Variants in TSPO observed in about 807,000 individuals in gnomAD.
TSPO encodes the protein benzodiazepine peripheral binding site.
Under a neutral mutation model 13.9 loss-of-function variants are expected in TSPO, and 14 were observed. The observed-to-expected ratio is 1.01, with a 90% confidence interval of 0.67 to 1.58. The LOEUF (loss-of-function observed/expected upper bound fraction) is 1.58, where lower values mean the gene tolerates loss of function less well. Among genes scored for constraint, TSPO ranks in the 40% most tolerant of loss-of-function variants. TSPO has a pLI of 0.00. For missense variants in TSPO, 232 were observed against 229.6 expected (o/e 1.01, Z -0.07); for synonymous variants, 114 against 105.9 (o/e 1.08, Z -0.47).
chr22:43,161,300 A>G (rs1931430401), intron 3 of TSPO, 110 bp downstream of exon 3: 1 of 1,444,856 alleles, frequency 6.9e-7, no homozygotes, highest in African/African-American at 1.4e-5. Context: ...CAGGGGAGAC[A>G]AAAGGCCATG....
At chr22:43,160,116 C>G (rs926398503) in intron 2 of TSPO, among the ~76,000 whole-genome samples, 1 of 152,142 alleles carries the variant, frequency 6.6e-6, no homozygotes, top group African/African-American at 2.4e-5. Flanking sequence ...GCCAGGTGCC[C>G]GGCTCTGATG....
chr22:43,153,598 G>A (rs62234273), intron 1 of TSPO, among the ~76,000 whole-genome samples: 1 of 38,814 alleles, frequency 2.6e-5, no homozygotes, highest in Non-Finnish European at 6.2e-5. Flanking sequence ...TGATCCACCC[G>A]CCTCGGCCTC....
Position 43,158,339 on chromosome 22 carries a change from G to A in TSPO, c.-29-871G>A, listed in dbSNP as rs375849504. On this transcript the variant is annotated intron_variant, in intron 1 of 3. Coordinates refer to ENST00000337554, the MANE Select transcript of TSPO (RefSeq NM_000714.6). ...GGCCTCCCCAGCCCTGTGCCCCCCT[G>A]GGTCCTAGCCCTCGCCCCAGCAGGC... Among the ~76,000 whole-genome samples, 15 of 152,296 alleles carry A rather than the reference G, an allele frequency of 9.8e-5. No individual in the cohort carries two copies. In the South Asian group the frequency reaches 2.7e-3, roughly 27 times the overall value.
chr22:43,159,103 GA>G, intron 1 of TSPO, 106 bp from the exon 2 acceptor site: 2 of 878,248 alleles, frequency 2.3e-6, no homozygotes, highest in Non-Finnish European at 3.3e-6. Context: ...CTGATCAGCT[GA>G]CTGGTTGATC....
intron 2 of TSPO, chr22:43,159,704 G>C: frequency 2.6e-6 from 1 of 377,362 alleles, no homozygotes; most frequent in Admixed American, 4.6e-5. Context: ...GGTTGGTCTT[G>C]GGCAGAGGCA....
chr22:43,158,381 A>C (rs1931322088), intron 1 of TSPO, among the ~76,000 whole-genome samples: 2 of 152,210 alleles, frequency 1.3e-5, no homozygotes. Flanking sequence ...GCAAGTTGGC[A>C]GAACTGAATC....
intron 3 of TSPO, among the ~76,000 whole-genome samples, chr22:43,162,278 C>T (rs143835533): frequency 0.017 from 2,605 of 152,264 alleles, 74 homozygotes; most frequent in African/African-American, 0.059. Context: ...CGTGCTACCA[C>T]GCCTGGCTAA....
At chr22:43,162,745 C>T (rs1477029122) in intron 3 of TSPO, 58 bp from the exon 4 acceptor site, 2 of 1,466,020 alleles carry the variant, frequency 1.4e-6, no homozygotes, top group Non-Finnish European at 1.8e-6. Context: ...GTGGGACAGG[C>T]ACTTGGGTGA....
chr22:43,155,723 G>A (rs1333985063), intron 1 of TSPO, among the ~76,000 whole-genome samples: 3 of 152,120 alleles, frequency 2.0e-5, no homozygotes, highest in East Asian at 1.9e-4. Flanking sequence ...GCCCAGAGAC[G>A]AGCCTTGGAT....
chr22:43,154,952 G>A (rs1201646341), intron 1 of TSPO, among the ~76,000 whole-genome samples: 1 of 152,080 alleles, frequency 6.6e-6, no homozygotes. Flanking sequence ...GAACCTTCTG[G>A]CACCGTTCAG....
rs1343602747 is a variant in TSPO, at chr22:43,163,072, C to A, written c.*81C>A. ...TGTGGTGGCCGTCACGCTTTCATGA[C>A]CACTGGGCCTGCTAGTCTGTCAGGG... On this transcript the variant is annotated 3_prime_UTR_variant, in exon 4 of 4. Transcript: ENST00000337554. 9 of 1,548,998 alleles carry A rather than the reference C, an allele frequency of 5.8e-6. No individual in the cohort carries two copies. Among genetic ancestry groups the A allele is most frequent in the Non-Finnish European group, 7.0e-6 (8 of 1,147,026 alleles).
chr22:43,155,666 A>T (rs1223799952), intron 1 of TSPO, among the ~76,000 whole-genome samples: 1 of 152,194 alleles, frequency 6.6e-6, no homozygotes, highest in Non-Finnish European at 1.5e-5. Flanking sequence ...CAGCCCCCCA[A>T]GAAGCAGACA....
In TSPO at chr22:43,161,271, C is replaced by T. The variant is rs896078930; in HGVS notation, c.321+81C>T. 55 of 1,540,458 alleles carry T rather than the reference C, an allele frequency of 3.6e-5. 1 individual carries two copies. The South Asian group carries it at 5.2e-4, about 15-fold the overall frequency. On this transcript the variant is annotated intron_variant, in intron 3 of 3. Coordinates refer to ENST00000337554, the MANE Select transcript of TSPO (RefSeq NM_000714.6). ...TGGGGCATCACATATGACACTGGGT[C>T]AGTGTCTATAGGCGGGGCCAGGGGA... is the stretch of plus-strand genomic sequence containing the variant.
chr22:43,156,027 C>T (rs148668179), intron 1 of TSPO, among the ~76,000 whole-genome samples: 1 of 152,386 alleles, frequency 6.6e-6, no homozygotes, highest in African/African-American at 2.4e-5. Flanking sequence ...TCCCCGCCCC[C>T]GACCAGGCTT....
intron 2 of TSPO, among the ~76,000 whole-genome samples, chr22:43,159,927 C>T (rs550611194): frequency 2.0e-5 from 3 of 152,262 alleles, no homozygotes; most frequent in African/African-American, 4.8e-5. Flanking sequence ...GAATTCCACC[C>T]GGAAAGGACG....
intron 3 of TSPO, 36 bp downstream of exon 3, chr22:43,161,226 G>A: frequency 1.3e-6 from 2 of 1,590,584 alleles, no homozygotes; most frequent in Non-Finnish European, 1.7e-6. Context: ...CTGATCCCTG[G>A]ATCCGACCCT....
chr22:43,163,075 C>T lies in TSPO; in HGVS notation c.*84C>T, dbSNP rs1202418899. 6.5e-7 allele frequency: 1 copy of T among 1,545,328 alleles called. No individual in the cohort carries two copies. The highest frequency in any genetic ancestry group is 1.2e-5 in the South Asian group (1 of 82,070). ...GGTGGCCGTCACGCTTTCATGACCA[C>T]TGGGCCTGCTAGTCTGTCAGGGCCT... On this transcript the variant is annotated 3_prime_UTR_variant, in exon 4 of 4. Transcript: ENST00000337554.
At chr22:43,157,555 C>A (rs1004147844) in intron 1 of TSPO, among the ~76,000 whole-genome samples, 1 of 152,106 alleles carries the variant, frequency 6.6e-6, no homozygotes, top group East Asian at 1.9e-4. Context: ...ACGTGCCGGG[C>A]GCGGTGGCTC....
intron 1 of TSPO, among the ~76,000 whole-genome samples, chr22:43,153,155 T>G (rs1187625932): frequency 1.1e-5 from 1 of 94,530 alleles, no homozygotes; most frequent in Non-Finnish European, 2.2e-5. Context: ...TCCTTTCTTG[T>G]TTTTGTTTGT....
Sources: gnomAD v4.1 joint callset for allele counts (sites outside exome capture counted in the v4.1 genomes callset) on GRCh38, gnomAD v4.1.1 for gene constraint, MANE v1.5 for transcripts, NCBI Gene and HGNC (gene_info 2026-07-23, HGNC 2026-07-21) for gene names.